The following PPP2R2C variants were observed in gnomAD, a reference collection of about 807,000 sequenced individuals.
The protein encoded by PPP2R2C is protein phosphatase 2 regulatory subunit Bgamma, also known as protein phosphatase 2, regulatory subunit B, gamma.
PPP2R2C carries 10 observed loss-of-function variants against 45.3 expected under a neutral mutation model. That is an observed-to-expected ratio of 0.22 (90% CI 0.14 to 0.37). The LOEUF is 0.37. Among genes scored for constraint, PPP2R2C ranks in the 10% least tolerant of loss-of-function variants. PPP2R2C has a pLI of 1.00. For missense variants in PPP2R2C, 308 were observed against 619.7 expected (o/e 0.50, Z 5.34); for synonymous variants, 257 against 245.4 (o/e 1.05, Z -0.44).
chr4:6,375,622 A>G (rs1715235592), intron 4 of PPP2R2C, among the ~76,000 whole-genome samples, 197 bp downstream of exon 4: 1 of 152,228 alleles, frequency 6.6e-6, no homozygotes, highest in Non-Finnish European at 1.5e-5. Context: ...GAAGCCTAGA[A>G]GAAACGTGGT....
chr4:6,350,232 T>C (rs1472118370), intron 5 of PPP2R2C: 4 of 985,310 alleles, frequency 4.1e-6, no homozygotes, highest in Admixed American at 6.1e-5. Flanking sequence ...TTCTCCAGCG[T>C]CCACCTGGCA....
chr4:6,342,292 GGA>G (rs925019085), intron 6 of PPP2R2C, among the ~76,000 whole-genome samples: 7 of 152,058 alleles, frequency 4.6e-5, no homozygotes, highest in Non-Finnish European at 1.0e-4. Flanking sequence ...AAGTTTTGAG[GGA>G]GTCAAAAGTT....
intron 6 of PPP2R2C, among the ~76,000 whole-genome samples, chr4:6,337,845 CA>C (rs1461561596): frequency 6.6e-6 from 1 of 152,130 alleles, no homozygotes; most frequent in Non-Finnish European, 1.5e-5. Flanking sequence ...TTTAAGGACA[CA>C]AGGAACAGGA....
rs976659275 is a variant in PPP2R2C at position 6,364,806 on chromosome 4, T to C, written c.625+7717A>G. On this transcript the variant is annotated intron_variant, in intron 5 of 8. Transcript: ENST00000382599. The surrounding 1 kb of genome is among the most constrained non-coding windows in gnomAD (Gnocchi z 5.3). ...AGGGAGGCCAGTCAGGTCACCATCA[T>C]GATCAGAGTGAGACAGTGGCCTAAA... Among the ~76,000 whole-genome samples the C allele has an allele frequency of 1.3e-5, 2 of 152,108 alleles. No individual in the cohort carries two copies. Among genetic ancestry groups the C allele is most frequent in the Non-Finnish European group, 2.9e-5 (2 of 68,014 alleles).
At chr4:6,563,708 G>C (rs1271072990), upstream of PPP2R2C, 2 of 145,454 alleles carry the variant, frequency 1.4e-5, no homozygotes, top group African/African-American at 2.5e-5. This position sits in a 1 kb window ranked among gnomAD's most constrained non-coding sequence, Gnocchi z 5.8. Flanking sequence ...CGGGGGGCGG[G>C]GGGCGGGGGC....
intron 1 of PPP2R2C, among the ~76,000 whole-genome samples, chr4:6,423,153 G>A (rs919763026): frequency 6.6e-6 from 1 of 152,214 alleles, no homozygotes; most frequent in Admixed American, 6.5e-5. Flanking sequence ...CCTACTGTGT[G>A]TCAGGCTCTG....
intron 1 of PPP2R2C, among the ~76,000 whole-genome samples, chr4:6,438,446 G>A (rs1296014286): frequency 6.6e-6 from 1 of 152,066 alleles, no homozygotes; most frequent in Non-Finnish European, 1.5e-5. Context: ...TGGTGGACGG[G>A]TCTCCCTCTG....
chr4:6,422,007 C>T (rs1258279766), intron 1 of PPP2R2C, among the ~76,000 whole-genome samples: 2 of 151,726 alleles, frequency 1.3e-5, no homozygotes, highest in South Asian at 2.1e-4. Flanking sequence ...TTGCAAAAAC[C>T]GAATCATGCC....
intron 1 of PPP2R2C, among the ~76,000 whole-genome samples, chr4:6,562,677 C>T (rs1209955146): frequency 6.6e-6 from 1 of 152,176 alleles, no homozygotes; most frequent in East Asian, 1.9e-4. Context: ...TTATCTCTGC[C>T]ACAACCTTGC....
chr4:6,379,801 A>T (rs1715635443), intron 2 of PPP2R2C, among the ~76,000 whole-genome samples: 1 of 152,090 alleles, frequency 6.6e-6, no homozygotes, highest in South Asian at 2.1e-4. Context: ...GAGTAGCCGC[A>T]CTGCACTACA....
intron 1 of PPP2R2C, among the ~76,000 whole-genome samples, chr4:6,446,603 T>C (rs775365272): frequency 3.9e-5 from 6 of 152,150 alleles, no homozygotes; most frequent in Non-Finnish European, 8.8e-5. Context: ...GCAGGGCTTG[T>C]AGGAACTGAT....
intron 1 of PPP2R2C, among the ~76,000 whole-genome samples, chr4:6,411,074 T>C (rs1362902498): frequency 6.6e-6 from 1 of 151,998 alleles, no homozygotes; most frequent in Non-Finnish European, 1.5e-5. Context: ...TTTCACCATG[T>C]TGCCCAGGCT....
intron 1 of PPP2R2C, chr4:6,383,200 C>A: frequency 1.7e-6 from 2 of 1,190,038 alleles, no homozygotes; most frequent in South Asian, 3.1e-5. Flanking sequence ...GCCCACTGGC[C>A]CCTGAGGGGG....
chr4:6,333,595 C>T lies in PPP2R2C; in HGVS notation c.927G>A (p.Leu309=). The T allele has an allele frequency of 6.2e-7, 1 of 1,614,168 alleles. No individual in the cohort carries two copies. The highest frequency in any genetic ancestry group is 8.5e-7 in the Non-Finnish European group (1 of 1,180,000). ...RDYLTVKVWD[L]NMEARPIETY... is the part of the protein sequence containing the mutation. ...TCTCTATGGGTCTTGCCTCCATGTT[C>T]AGGTCCCAGACCTTGACTGTAAGGT... The change falls in exon 7 of 9, where the codon CTG becomes CTA. Residue 309 remains leucine (L), a synonymous_variant. Coordinates refer to ENST00000382599, the MANE Select transcript of PPP2R2C (RefSeq NM_020416.4).
At position 6,333,613 on chromosome 4, in the gene PPP2R2C, T is replaced by C. The variant is rs1250384302; in HGVS notation, c.909A>G (p.Thr303=). The change falls in exon 7 of 9, where the codon ACA becomes ACG. Residue 303 remains threonine (T), a synonymous_variant. Transcript: ENST00000382599. ...CCATGTTCAGGTCCCAGACCTTGAC[T>C]GTAAGGTAGTCCCGGGTGAGCATGT... is the stretch of plus-strand genomic sequence containing the variant. ...GRYMLTRDYL[T]VKVWDLNMEA... 1.7e-5 allele frequency: 27 copies of C among 1,613,980 alleles called. No homozygotes were observed. Among genetic ancestry groups the C allele is most frequent in the Non-Finnish European group, 2.2e-5 (26 of 1,180,010 alleles).
At chr4:6,433,070 C>T (rs1318288700) in intron 1 of PPP2R2C, among the ~76,000 whole-genome samples, 1 of 152,122 alleles carries the variant, frequency 6.6e-6, no homozygotes, top group African/African-American at 2.4e-5. Context: ...ATACATATAA[C>T]ATACAAAATG....
chr4:6,439,298 T>C (rs1325508802), intron 1 of PPP2R2C, among the ~76,000 whole-genome samples: 4 of 152,246 alleles, frequency 2.6e-5, no homozygotes, highest in Admixed American at 6.5e-5. Flanking sequence ...AATGCAAGGC[T>C]GCACACTCTT....
chr4:6,503,577 C>T (rs1342757060), intron 2 of PPP2R2C, among the ~76,000 whole-genome samples: 2 of 152,168 alleles, frequency 1.3e-5, no homozygotes, highest in African/African-American at 4.8e-5. Context: ...TTTACAGGCT[C>T]ATGGGAGACC....
chr4:6,484,746 G>A (rs1722477341), intron 2 of PPP2R2C, among the ~76,000 whole-genome samples: 1 of 151,794 alleles, frequency 6.6e-6, no homozygotes, highest in East Asian at 1.9e-4. Context: ...ATAACTGGTA[G>A]TTTTTAAGCT....
Sources: allele counts gnomAD v4.1 joint callset (sites outside exome capture counted in the v4.1 genomes callset), GRCh38; gene constraint gnomAD v4.1.1; non-coding constraint Gnocchi (gnomAD v3.1); transcripts MANE v1.5; gene names NCBI Gene and HGNC (gene_info 2026-07-23, HGNC 2026-07-21).